Variants in WASL observed in about 807,000 individuals in gnomAD.
WASL encodes the protein WASP like actin nucleation promoting factor.
Under a neutral mutation model 55.5 loss-of-function variants are expected in WASL, and 20 were observed. That is an observed-to-expected ratio of 0.36 (90% CI 0.25 to 0.52). The LOEUF (loss-of-function observed/expected upper bound fraction) is 0.52. Among genes scored for constraint, WASL ranks in the 20% least tolerant of loss-of-function variants. The pLI, the probability that WASL is intolerant of heterozygous loss-of-function variation, is 0.92. For synonymous variants in WASL, 249 were observed against 217.6 expected (o/e 1.14, Z -1.27); for missense variants, 504 against 622.5 (o/e 0.81, Z 2.03).
chr7:123,697,657 T>C (rs576190525), intron 5 of WASL, among the ~76,000 whole-genome samples: 1 of 152,276 alleles, frequency 6.6e-6, no homozygotes, highest in South Asian at 2.1e-4. Context: ...ACATATGAAA[T>C]ACTATCATCG....
Position 123,748,679 on chromosome 7 carries a change from G to T in WASL, c.56C>A (p.Ser19Tyr). 1 of 1,612,098 alleles carries T rather than the reference G, an allele frequency of 6.2e-7. No homozygotes were observed. Among genetic ancestry groups the T allele is most frequent in the Non-Finnish European group, 8.5e-7 (1 of 1,179,214 alleles). Residue 19 changes from serine to tyrosine, a missense_variant, in exon 1 of 11, where the codon TCC (serine) becomes TAC (tyrosine). Ser to Tyr is a moderately radical substitution (Grantham distance 144). This residue lies in a region of WASL where 230 missense variants were observed against 271.9 expected (regional missense o/e 0.85). Transcript: ENST00000223023. ...GTTCTCCTGCGGGGTGAGCAACAGG[G>T]ACCCCACGTTGGTGACCCTCCGCGG... Reference protein sequence around the residue: ...PPPRRVTNVGSLLLTPQENES... With the variant: ...PPPRRVTNVGYLLLTPQENES...
intron 1 of WASL, among the ~76,000 whole-genome samples, chr7:123,716,975 C>A (rs1390474769): frequency 2.0e-5 from 3 of 152,196 alleles, no homozygotes; most frequent in Admixed American, 1.3e-4. Flanking sequence ...TCAACATACA[C>A]TACATAATCA....
At chr7:123,741,357 AAAACTGGTTTC>A (rs1340788739) in intron 1 of WASL, among the ~76,000 whole-genome samples, 3 of 152,332 alleles carry the variant, frequency 2.0e-5, no homozygotes, top group African/African-American at 7.2e-5. Flanking sequence ...ACCCTATGGT[AAAACTGGTTTC>A]ATTATGTGTT....
At chr7:123,736,776 G>C (rs1279595283) in intron 1 of WASL, among the ~76,000 whole-genome samples, 3 of 152,048 alleles carry the variant, frequency 2.0e-5, no homozygotes, top group Non-Finnish European at 4.4e-5. Flanking sequence ...CTTTCCAATG[G>C]GAAGCCTCAA....
chr7:123,733,801 T>C lies in WASL; in HGVS notation c.117+14817A>G, dbSNP rs575952798. 5.3e-5 allele frequency among the ~76,000 whole-genome samples: 8 copies of C among 149,878 alleles called. No individual in the cohort carries two copies. In the South Asian group the frequency reaches 1.3e-3, roughly 23 times the overall value. On this transcript the variant is annotated intron_variant, in intron 1 of 10. Transcript: ENST00000223023. ...ACAAAATAGACTGGTGGCCCAGAAG[T>C]AGACCCATACAAATGCAGTCAAATG...
intron 1 of WASL, among the ~76,000 whole-genome samples, chr7:123,740,988 T>G (rs1475082920): frequency 6.6e-6 from 1 of 152,210 alleles, no homozygotes; most frequent in African/African-American, 2.4e-5. Context: ...CTCTGGGTAC[T>G]TGGATTTCCT....
At chr7:123,747,577 A>G (rs1009375541) in intron 1 of WASL, among the ~76,000 whole-genome samples, 4 of 152,210 alleles carry the variant, frequency 2.6e-5, no homozygotes, top group Non-Finnish European at 5.9e-5. Context: ...AAGGAGTTAT[A>G]AAATGGTATT....
intron 9 of WASL, among the ~76,000 whole-genome samples, chr7:123,690,423 T>C (rs1328793420): frequency 6.6e-6 from 1 of 152,152 alleles, no homozygotes; most frequent in Non-Finnish European, 1.5e-5. Flanking sequence ...TAAAGAAACA[T>C]AGCCATAGAA....
At chr7:123,747,179 T>C (rs1350048139) in intron 1 of WASL, among the ~76,000 whole-genome samples, 1 of 152,182 alleles carries the variant, frequency 6.6e-6, no homozygotes, top group East Asian at 1.9e-4. Flanking sequence ...TAGGACTAGG[T>C]GTGAGGAGTC....
chr7:123,726,096 T>C (rs916129287), intron 1 of WASL, among the ~76,000 whole-genome samples: 35 of 152,320 alleles, frequency 2.3e-4, no homozygotes, highest in Admixed American at 1.6e-3. Flanking sequence ...TTCATGCATA[T>C]GAATGTGAAA....
chr7:123,722,091 G>C (rs1803958859), intron 1 of WASL, among the ~76,000 whole-genome samples: 1 of 151,816 alleles, frequency 6.6e-6, no homozygotes, highest in African/African-American at 2.4e-5. Flanking sequence ...GTTTAATAAG[G>C]TCACCACTAG....
Position 123,683,909 on chromosome 7 carries a change from C to G in WASL, c.*610G>C, listed in dbSNP as rs1477811945. On this transcript the variant is annotated 3_prime_UTR_variant, in exon 11 of 11. Transcript: ENST00000223023. ...GCTATACCAATAACAGGCAGTATTA[C>G]TGTAAGAGGTGTGTTAATCGTCTTC... is the stretch of plus-strand genomic sequence containing the variant. 6.6e-6 allele frequency: 1 copy of G among 152,018 alleles called. No homozygotes were observed. Among genetic ancestry groups the G allele is most frequent in the Non-Finnish European group, 1.5e-5 (1 of 67,950 alleles). 9.4% of individuals were successfully genotyped at this position (152,018 alleles called of 1,614,324 possible). A position where few individuals can be genotyped will look rare whatever the true frequency, so the allele number is the denominator to read the frequency against.
At chr7:123,746,925 A>C (rs569096042) in intron 1 of WASL, among the ~76,000 whole-genome samples, 2 of 152,352 alleles carry the variant, frequency 1.3e-5, no homozygotes, top group African/African-American at 4.8e-5. Flanking sequence ...TTACATAGCT[A>C]ATCTACTAAA....
In WASL at chr7:123,683,429, C is replaced by T. The variant is rs753968721; in HGVS notation, c.*1090G>A. On this transcript the variant is annotated 3_prime_UTR_variant, in exon 11 of 11. Coordinates refer to ENST00000223023, the MANE Select transcript of WASL (RefSeq NM_003941.4). The stretch of plus-strand genomic sequence containing the variant: ...TGTTCCAAGAACTCTGACATTGGGA[C>T]CACCAATCTTTTAAGAAAAATGTAA... The T allele has an allele frequency of 1.3e-4, 19 of 151,780 alleles. 1 individual carries two copies. The highest frequency in any genetic ancestry group is 2.2e-4 in the Non-Finnish European group (15 of 67,886). The allele number at this position is 151,780 out of a possible 1,614,324, so 9.4% of individuals were successfully genotyped here.
At chr7:123,730,934 ATC>A (rs1804126619) in intron 1 of WASL, among the ~76,000 whole-genome samples, 1 of 152,120 alleles carries the variant, frequency 6.6e-6, no homozygotes, top group Non-Finnish European at 1.5e-5. Context: ...TAGTTTTTAA[ATC>A]TTCATCCTTC....
chr7:123,718,648 G>A (rs978998909), intron 1 of WASL, among the ~76,000 whole-genome samples: 7 of 152,212 alleles, frequency 4.6e-5, no homozygotes, highest in African/African-American at 1.7e-4. Context: ...TCCTGCCTTG[G>A]TCTCCCAAAG....
At position 123,692,854 on chromosome 7, in the gene WASL, T is replaced by A. The variant is rs1383388650; in HGVS notation, c.840A>T (p.Pro280=). ...NELRRQAPPP[P]PPSRGGPPPP... is the part of the protein sequence containing the mutation. ...GAGGTGGCCCTCCCCTTGATGGTGG[T>A]GGAGGTGGTGGTGCTGAAATGCAAA... Residue 280 remains proline (P), a synonymous_variant, in exon 9 of 11, where the codon CCA becomes CCT. Transcript: ENST00000223023. The A allele has an allele frequency of 7.3e-7, 1 of 1,365,744 alleles. No individual in the cohort carries two copies. The highest frequency in any genetic ancestry group is 1.5e-5 in the African/African-American group (1 of 67,736). The allele number at this position is 1,365,744 out of a possible 1,614,324, so 84.6% of individuals were successfully genotyped here.
At chr7:123,698,457 T>C (rs1374722399) in intron 5 of WASL, among the ~76,000 whole-genome samples, 2 of 152,078 alleles carry the variant, frequency 1.3e-5, no homozygotes, top group African/African-American at 2.4e-5. Flanking sequence ...ATGAAAGCCA[T>C]GTCACCTTAT....
intron 10 of WASL, among the ~76,000 whole-genome samples, chr7:123,687,456 T>G (rs577667603): frequency 2.0e-5 from 3 of 152,288 alleles, no homozygotes; most frequent in African/African-American, 7.2e-5. Context: ...CCTCACAGAC[T>G]TTATATTTTC....
Sources: allele counts gnomAD v4.1 joint callset (sites outside exome capture counted in the v4.1 genomes callset), GRCh38; gene constraint gnomAD v4.1.1; regional missense constraint gnomAD v4.1.1; transcripts MANE v1.5; gene names NCBI Gene and HGNC (gene_info 2026-07-23, HGNC 2026-07-21).